The following SPATS2 variants were observed in gnomAD, a reference collection of about 807,000 sequenced individuals.
The protein encoded by SPATS2 is spermatogenesis-associated serine-rich protein 2.
A neutral mutation model predicts 63.7 loss-of-function variants in SPATS2; 38 were observed. The ratio of observed to expected loss-of-function variants is 0.60; its 90% CI spans 0.46 to 0.78. SPATS2 has a LOEUF of 0.78. Among genes scored for constraint, SPATS2 ranks in the 30% least tolerant of loss-of-function variants. SPATS2 has a pLI of 0.00. For synonymous variants in SPATS2, 207 were observed against 232.9 expected (o/e 0.89, Z 1.01); for missense variants, 588 against 666.2 (o/e 0.88, Z 1.29).
At chr12:49,469,389 CAAAA>C (rs779364300) in intron 3 of SPATS2, 844 of 68,502 alleles carry the variant, frequency 0.012, no homozygotes, top group Middle Eastern at 0.019. Context: ...GACTCTGTCT[CAAAA>C]AAAAAAAAAA....
chr12:49,441,111 T>G (rs1313606420), intron 2 of SPATS2, among the ~76,000 whole-genome samples: 4 of 152,220 alleles, frequency 2.6e-5, no homozygotes, highest in African/African-American at 9.7e-5. Context: ...GATATTAATT[T>G]CTTTAAATAG....
At chr12:49,525,007 T>C (rs1947009121) in intron 13 of SPATS2, 111 bp downstream of exon 13, 1 of 1,081,414 alleles carries the variant, frequency 9.2e-7, no homozygotes, top group Non-Finnish European at 1.3e-6. Context: ...ATTCCATGCC[T>C]GTTTTGAATC....
chr12:49,478,479 A>G (rs567831030), intron 3 of SPATS2, among the ~76,000 whole-genome samples: 55 of 152,310 alleles, frequency 3.6e-4, no homozygotes, highest in African/African-American at 1.2e-3. Context: ...CATGAGACAA[A>G]GCAATTCCAA....
At chr12:49,458,778 A>G (rs1945766879) in intron 2 of SPATS2, among the ~76,000 whole-genome samples, 1 of 151,554 alleles carries the variant, frequency 6.6e-6, no homozygotes, top group Admixed American at 6.6e-5. Flanking sequence ...GCTGGCAGGA[A>G]CTTATGCTTT....
At chr12:49,447,954 G>T (rs1210039769) in intron 2 of SPATS2, among the ~76,000 whole-genome samples, 2 of 151,320 alleles carry the variant, frequency 1.3e-5, no homozygotes, top group African/African-American at 4.9e-5. Context: ...ATTGATTGTG[G>T]TCTAATCTGT....
rs1426307481 is a variant in SPATS2 at position 49,526,756 on chromosome 12, A to G, written c.*501A>G. The stretch of plus-strand genomic sequence containing the variant: ...AAAGAACACTAGGAAACATTTGAGA[A>G]CCTGCCTCTATCCCAGAATGTGCTG... On this transcript the variant is annotated 3_prime_UTR_variant, in exon 14 of 14. Transcript: ENST00000552918. 6.5e-6 allele frequency: 1 copy of G among 154,292 alleles called. No homozygotes were observed. The highest frequency in any genetic ancestry group is 2.4e-5 in the African/African-American group (1 of 41,274). 9.6% of individuals were successfully genotyped at this position (154,292 alleles called of 1,614,324 possible). A position where few individuals can be genotyped will look rare whatever the true frequency, so the allele number is the denominator to read the frequency against.
chr12:49,491,463 C>G (rs940089175), intron 6 of SPATS2, among the ~76,000 whole-genome samples: 1 of 151,988 alleles, frequency 6.6e-6, no homozygotes, highest in Non-Finnish European at 1.5e-5. Flanking sequence ...GCCTGTAATC[C>G]CAGCACTTTG....
intron 3 of SPATS2, among the ~76,000 whole-genome samples, chr12:49,481,998 C>CT (rs1666597518): frequency 6.6e-6 from 1 of 152,094 alleles, no homozygotes; most frequent in Admixed American, 6.5e-5. Context: ...TTAAAAATCA[C>CT]TAAGTATTGA....
chr12:49,394,356 AACAG>A (rs1565700425), intron 2 of SPATS2, among the ~76,000 whole-genome samples: 3 of 150,370 alleles, frequency 2.0e-5, no homozygotes, highest in Admixed American at 6.6e-5. Flanking sequence ...AAAAAAAAAA[AACAG>A]AACTAGTTTG....
intron 10 of SPATS2, among the ~76,000 whole-genome samples, chr12:49,516,185 ATATATATATATATAT>A (rs1565760882): frequency 9.8e-5 from 10 of 101,592 alleles, no homozygotes; most frequent in South Asian, 3.7e-4. Flanking sequence ...ATATATATAT[ATATATATATATATAT>A]ATATATATAA....
intron 2 of SPATS2, among the ~76,000 whole-genome samples, chr12:49,452,526 A>G (rs1343293642): frequency 2.6e-5 from 4 of 151,964 alleles, no homozygotes; most frequent in Admixed American, 6.6e-5. Context: ...CGATACTCCA[A>G]CCTGGCCTCC....
chr12:49,423,223 C>T (rs1412619347), intron 2 of SPATS2, among the ~76,000 whole-genome samples: 3 of 151,744 alleles, frequency 2.0e-5, no homozygotes, highest in African/African-American at 7.3e-5. Context: ...GTGTCTGCCT[C>T]ATGGGTTCAA....
chr12:49,483,239 C>T (rs1385008530), intron 3 of SPATS2, among the ~76,000 whole-genome samples: 1 of 150,698 alleles, frequency 6.6e-6, no homozygotes, highest in African/African-American at 2.4e-5. Context: ...TGGTTTGATT[C>T]ACTAATAAGT....
chr12:49,392,328 G>A (rs912116384), intron 2 of SPATS2, among the ~76,000 whole-genome samples: 1 of 151,712 alleles, frequency 6.6e-6, no homozygotes, highest in African/African-American at 2.4e-5. Context: ...AAAGATGAGT[G>A]ATTAAAAAAA....
chr12:49,479,177 G>A (rs1946165778), intron 3 of SPATS2, among the ~76,000 whole-genome samples: 1 of 152,212 alleles, frequency 6.6e-6, no homozygotes, highest in South Asian at 2.1e-4. Flanking sequence ...GTGCCAGTTG[G>A]TCCGTGGGTG....
At chr12:49,381,220 C>G (rs1944214583) in intron 2 of SPATS2, among the ~76,000 whole-genome samples, 1 of 152,058 alleles carries the variant, frequency 6.6e-6, no homozygotes, top group Non-Finnish European at 1.5e-5. Context: ...AAGTCCTTTG[C>G]CCAATTTCAA....
intron 9 of SPATS2, among the ~76,000 whole-genome samples, chr12:49,504,772 T>TTC (rs1241032915): frequency 1.5e-4 from 20 of 129,756 alleles, no homozygotes; most frequent in African/African-American, 4.8e-4. Context: ...CTTTCTTTCT[T>TTC]TTTTTTTTTT....
intron 2 of SPATS2, among the ~76,000 whole-genome samples, chr12:49,435,610 G>C (rs1161623984): frequency 1.3e-5 from 2 of 149,880 alleles, no homozygotes; most frequent in African/African-American, 4.9e-5. Context: ...ACAGGTGTGA[G>C]CCACCGTGCC....
At chr12:49,413,373 T>TTTTTAA (rs1168881960) in intron 2 of SPATS2, among the ~76,000 whole-genome samples, 1 of 152,124 alleles carries the variant, frequency 6.6e-6, no homozygotes, top group African/African-American at 2.4e-5. Context: ...CTACTGTAAC[T>TTTTTAA]TTTTAATTTT....
Sources: gnomAD v4.1 joint callset for allele counts (sites outside exome capture counted in the v4.1 genomes callset) on GRCh38, gnomAD v4.1.1 for gene constraint, MANE v1.5 for transcripts, NCBI Gene and HGNC (gene_info 2026-07-23, HGNC 2026-07-21) for gene names.